Variants in CENPN observed in about 807,000 individuals in gnomAD.
CENPN encodes the protein interphase centromere complex protein 32.
In CENPN, 36 loss-of-function variants were observed where a neutral mutation model predicts 48.6. The ratio of observed to expected loss-of-function variants is 0.74; its 90% CI spans 0.57 to 0.98. The LOEUF is 0.98. CENPN is among the 50% of genes least tolerant of loss of function. The probability of loss-of-function intolerance (pLI) is 0.00; values close to 1 mark genes in which losing one functional copy is unlikely to be tolerated. For missense variants in CENPN, 439 were observed against 399.2 expected (o/e 1.10, Z -0.85); for synonymous variants, 166 against 135.2 (o/e 1.23, Z -1.58).
rs1346643045 is a variant in CENPN, at chr16:81,029,581, G to GT, written c.*936dup. Among the ~76,000 whole-genome samples, 1 of 151,002 alleles carries GT rather than the reference G, an allele frequency of 6.6e-6. No individual in the cohort carries two copies. The highest frequency in any genetic ancestry group is 6.6e-5 in the Admixed American group (1 of 15,126). The stretch of plus-strand genomic sequence containing the variant: ...TGCCCAGCTAATTTTTTTTTTGTTT[G>GT]TTTTTTGTTTTTTGAGACAAGTCTC... On this transcript the variant is annotated 3_prime_UTR_variant, in exon 11 of 11. Transcript: ENST00000305850.
Position 81,024,771 on chromosome 16 carries a change from T to C in CENPN, c.690T>C (p.Asp230=), listed in dbSNP as rs759701392. Reference sequence around the variant, plus strand: ...TACAGGAAAGAAGCCTTGGACTAGATATAAATAGTACGTGTGTGTTAATAT... The same window carrying C: ...TACAGGAAAGAAGCCTTGGACTAGACATAAATAGTACGTGTGTGTTAATAT... ...TPLQERSLGL[D]INMDSRIIHE... The change falls in exon 8 of 11, where the codon GAT becomes GAC. Residue 230 remains aspartate (D), a synonymous_variant. Coordinates refer to ENST00000305850, the MANE Select transcript of CENPN (RefSeq NM_001100624.3). 1.2e-6 allele frequency: 2 copies of C among 1,604,402 alleles called. No individual in the cohort carries two copies. Among genetic ancestry groups the C allele is most frequent in the Non-Finnish European group, 1.7e-6 (2 of 1,172,390 alleles).
chr16:81,028,408 C>A, intron 10 of CENPN, 111 bp downstream of exon 10: 1 of 1,482,404 alleles, frequency 6.7e-7, no homozygotes, highest in Non-Finnish European at 9.2e-7. Context: ...GTCTGCTAGC[C>A]CATCCTGCTC....
In CENPN at chr16:81,012,116, A is replaced by G. The variant is rs765906583; in HGVS notation, c.171+6A>G. On this transcript the variant is annotated splice_donor_region_variant and intron_variant, in intron 2 of 10. Transcript: ENST00000305850. ...ACTTGATCCATCTGTGTGAGGTAACAGTGTTAAAAATGATGAGCCTTGAAC... is the reference window on the plus strand; with the variant it reads ...ACTTGATCCATCTGTGTGAGGTAACGGTGTTAAAAATGATGAGCCTTGAAC... 1.2e-6 allele frequency: 2 copies of G among 1,613,486 alleles called. No homozygotes were observed. Among genetic ancestry groups the G allele is most frequent in the African/African-American group, 1.3e-5 (1 of 75,030 alleles).
chr16:81,023,749 C>A (rs1055933335), intron 7 of CENPN: 23 of 152,244 alleles, frequency 1.5e-4, no homozygotes, highest in African/African-American at 5.5e-4. Context: ...CCAGCTTGGG[C>A]AATATGGCGA....
At position 81,029,009 on chromosome 16, in the gene CENPN, G is replaced by C. The variant is rs1487441459; in HGVS notation, c.*358G>C. 1.0e-6 allele frequency: 1 copy of C among 996,900 alleles called. No individual in the cohort carries two copies. Among genetic ancestry groups the C allele is most frequent in the Non-Finnish European group, 1.2e-6 (1 of 838,044 alleles). The allele number at this position is 996,900 out of a possible 1,614,324, so 61.8% of individuals were successfully genotyped here. A position where few individuals can be genotyped will look rare whatever the true frequency, so the allele number is the denominator to read the frequency against. On this transcript the variant is annotated 3_prime_UTR_variant, in exon 11 of 11. Coordinates refer to ENST00000305850, the MANE Select transcript of CENPN (RefSeq NM_001100624.3). ...CTATGGCTGTCTCTTCTCAATTCTG[G>C]AGAGGTCTGGTTCCAGTGGCTGGTT...
At chr16:81,025,734 A>C (rs1232021058) in intron 8 of CENPN, among the ~76,000 whole-genome samples, 8 of 132,738 alleles carry the variant, frequency 6.0e-5, no homozygotes, top group Admixed American at 2.5e-4. Flanking sequence ...ACAGAGTCTC[A>C]CTCTATTTCC....
At chr16:81,020,952 C>T (rs1330446320) in intron 6 of CENPN, among the ~76,000 whole-genome samples, 5 of 151,864 alleles carry the variant, frequency 3.3e-5, no homozygotes, top group Admixed American at 2.0e-4. Flanking sequence ...ATTAGCCAGG[C>T]GTGGTGGTGG....
Position 81,029,411 on chromosome 16 carries a change from A to C in CENPN, c.*760A>C. ...TTTCTAATTTTTTATTTCTTTATTT[A>C]TTTATTGAGACAGGGTCTCACTGTG... On this transcript the variant is annotated 3_prime_UTR_variant, in exon 11 of 11. Coordinates refer to ENST00000305850, the MANE Select transcript of CENPN (RefSeq NM_001100624.3). 1.7e-6 allele frequency: 1 copy of C among 577,522 alleles called. No homozygotes were observed. The highest frequency in any genetic ancestry group is 2.2e-6 in the Non-Finnish European group (1 of 457,660). 35.8% of individuals were successfully genotyped at this position (577,522 alleles called of 1,614,324 possible).
chr16:81,007,641 G>T (rs1969497239), intron 1 of CENPN, among the ~76,000 whole-genome samples: 1 of 152,174 alleles, frequency 6.6e-6, no homozygotes, highest in Non-Finnish European at 1.5e-5. Context: ...GGCTTCCGTC[G>T]TTTTTTGTCC....
chr16:81,010,434 G>A (rs1009023486), intron 1 of CENPN, among the ~76,000 whole-genome samples: 8 of 152,240 alleles, frequency 5.3e-5, no homozygotes, highest in East Asian at 1.9e-4. Flanking sequence ...CTATTGATAA[G>A]GGAGGCACAC....
At chr16:81,012,826 C>T (rs1969796859) in intron 2 of CENPN, among the ~76,000 whole-genome samples, 1 of 152,176 alleles carries the variant, frequency 6.6e-6, no homozygotes, top group African/African-American at 2.4e-5. Context: ...AACTCCTGAC[C>T]TCAGGTGATC....
chr16:81,032,728 G>A, downstream of CENPN: 2 of 1,580,810 alleles, frequency 1.3e-6, no homozygotes, highest in South Asian at 1.1e-5. Flanking sequence ...ACATTTAAAT[G>A]GTTAATCAAA....
Position 81,017,738 on chromosome 16 carries a change from T to C in CENPN, c.278-20T>C, listed in dbSNP as rs1223112861. On this transcript the variant is annotated intron_variant, in intron 4 of 10. Coordinates refer to ENST00000305850, the MANE Select transcript of CENPN (RefSeq NM_001100624.3). ...TTGTAGCTCCCTTGATTTTTCTTTA[T>C]TTTTTTTTCACTTTGGCAGGTGAAG... 2 of 1,455,342 alleles carry C rather than the reference T, an allele frequency of 1.4e-6. No individual in the cohort carries two copies. The highest frequency in any genetic ancestry group is 2.9e-5 in the African/African-American group (2 of 69,850). 90.2% of individuals were successfully genotyped at this position (1,455,342 alleles called of 1,614,324 possible).
At chr16:81,025,514 A>G (rs1166785823) in intron 8 of CENPN, among the ~76,000 whole-genome samples, 3 of 152,110 alleles carry the variant, frequency 2.0e-5, no homozygotes, top group African/African-American at 7.2e-5. Flanking sequence ...ATCTTAGGTA[A>G]AGAAATCAGG....
At chr16:81,021,552 G>C (rs998038075) in intron 6 of CENPN, among the ~76,000 whole-genome samples, 1 of 152,094 alleles carries the variant, frequency 6.6e-6, no homozygotes, top group Non-Finnish European at 1.5e-5. Context: ...GCGAGCCCTA[G>C]GTAGTAAATG....
At chr16:81,021,905 C>T (rs1487155709) in intron 6 of CENPN, among the ~76,000 whole-genome samples, 1 of 152,138 alleles carries the variant, frequency 6.6e-6, no homozygotes, top group Non-Finnish European at 1.5e-5. Context: ...CAAGCACTCA[C>T]CACTATGCCT....
rs773404080 is a variant in CENPN, at chr16:81,020,183, G to C, written c.438G>C (p.Gln146His). The change falls in exon 6 of 11, where the codon CAG becomes CAC. Residue 146 changes from glutamine (Q) to histidine (H), a missense_variant. Physicochemically the swap from Gln to His is conservative, Grantham distance 24 (BLOSUM62 0). Transcript: ENST00000305850. ...AWGTQYTKPN[Q>H]YKPTYVVYYS... is the part of the protein sequence containing the mutation. ...GAACACAGTACACAAAGCCAAACCA[G>C]TACAAACCTACCTACGTGGTGTACT... 9.9e-6 allele frequency: 16 copies of C among 1,613,706 alleles called. No homozygotes were observed. Among genetic ancestry groups the C allele is most frequent in the Non-Finnish European group, 1.1e-5 (13 of 1,179,968 alleles).
Position 81,031,166 on chromosome 16 carries a change from TA to T in CENPN, c.*2519del, listed in dbSNP as rs1970756166. On this transcript the variant is annotated 3_prime_UTR_variant, in exon 11 of 11. Transcript: ENST00000305850. ...CATGACCTGCAACTTGAAAAAAAAT[TA>T]AAAGCTCCAAAAAAAAAACAATACA... 6.7e-6 allele frequency: 1 copy of T among 150,280 alleles called. No homozygotes were observed. Among genetic ancestry groups the T allele is most frequent in the Non-Finnish European group, 1.5e-5 (1 of 67,538 alleles). The allele number at this position is 150,280 out of a possible 1,614,324, so 9.3% of individuals were successfully genotyped here. A position where few individuals can be genotyped will look rare whatever the true frequency, so the allele number is the denominator to read the frequency against.
At chr16:81,011,876 G>A in intron 1 of CENPN, 54 bp from the exon 2 acceptor site, 5 of 1,405,852 alleles carry the variant, frequency 3.6e-6, no homozygotes, top group Admixed American at 1.8e-5. Flanking sequence ...AATAAAGACA[G>A]ACAAGTATTG....
Sources: gnomAD v4.1 joint callset for allele counts (sites outside exome capture counted in the v4.1 genomes callset) on GRCh38, gnomAD v4.1.1 for gene constraint, MANE v1.5 for transcripts, NCBI Gene and HGNC (gene_info 2026-07-23, HGNC 2026-07-21) for gene names.